Variants in BIRC3 observed in about 807,000 individuals in gnomAD.
BIRC3 encodes the protein baculoviral IAP repeat containing 3.
A neutral mutation model predicts 59.0 loss-of-function variants in BIRC3; 26 were observed. That is an observed-to-expected ratio of 0.44 (90% CI 0.32 to 0.61). The LOEUF is 0.61. BIRC3 is among the 20% of genes least tolerant of loss of function. The pLI is 0.04. For synonymous variants in BIRC3, 243 were observed against 249.2 expected, an observed-to-expected ratio of 0.98 and a Z score of 0.24; for missense variants, 641 against 711.5, an observed-to-expected ratio of 0.90 and a Z score of 1.13.
Position 102,337,327 on chromosome 11 carries a change from C to T in BIRC3, c.*225C>T. On this transcript the variant is annotated 3_prime_UTR_variant, in exon 9 of 9. Coordinates refer to ENST00000263464, the MANE Select transcript of BIRC3 (RefSeq NM_001165.5). ...GTTCTTATGAACGAAAAAGAGGTAG[C>T]ACTACAAACACAATATTCAATCAAA... 1 of 404,670 alleles carries T rather than the reference C, an allele frequency of 2.5e-6. No individual in the cohort carries two copies. The highest frequency in any genetic ancestry group is 4.4e-5 in the Admixed American group (1 of 22,776). 25.1% of individuals were successfully genotyped at this position (404,670 alleles called of 1,614,324 possible). A position where few individuals can be genotyped will look rare whatever the true frequency, so the allele number is the denominator to read the frequency against.
In BIRC3 at chr11:102,324,007, A is replaced by T. The variant is rs142361708; in HGVS notation, c.-503A>T. ...TTTTTCCTGGCCACTAAATTTCACA[A>T]TTTCCAAAAAGCAAAATAAACATAT... is the stretch of plus-strand genomic sequence containing the variant. On this transcript the variant is annotated 5_prime_UTR_variant, in exon 2 of 9. Transcript: ENST00000263464. 5.1e-4 allele frequency: 106 copies of T among 206,748 alleles called. No homozygotes were observed. The highest frequency in any genetic ancestry group is 2.1e-3 in the African/African-American group (92 of 43,960). The allele number at this position is 206,748 out of a possible 1,614,324, so 12.8% of individuals were successfully genotyped here. A position where few individuals can be genotyped will look rare whatever the true frequency, so the allele number is the denominator to read the frequency against.
At chr11:102,330,324 C>T (rs1218729058) in intron 5 of BIRC3, among the ~76,000 whole-genome samples, 2 of 152,128 alleles carry the variant, frequency 1.3e-5, no homozygotes, top group Non-Finnish European at 2.9e-5. Context: ...GGAAGCAGGC[C>T]AGCTGTATGA....
chr11:102,331,337 A>G, intron 6 of BIRC3, 96 bp downstream of exon 6: 3 of 1,253,224 alleles, frequency 2.4e-6, no homozygotes, highest in African/African-American at 1.5e-5. Context: ...CTGAAAATAT[A>G]CTCAATCCAG....
In BIRC3 at chr11:102,324,683, T is replaced by C. The variant is rs377679122; in HGVS notation, c.174T>C (p.Thr58=). Residue 58 remains threonine, a synonymous_variant, in exon 2 of 9, where the codon ACT becomes ACC. Transcript: ENST00000263464. ...TTGCTCGTGCTGGTTTCTATTACAC[T>C]GGTGTGAATGACAAGGTCAAATGCT... ...RSLARAGFYY[T]GVNDKVKCFC... The C allele has an allele frequency of 1.1e-5, 17 of 1,614,070 alleles. No individual in the cohort carries two copies. Among genetic ancestry groups the C allele is most frequent in the Non-Finnish European group, 1.4e-5 (17 of 1,180,036 alleles).
rs1317755652 is a variant in BIRC3 at position 102,322,831 on chromosome 11, G to A, written c.-1679G>A. The stretch of plus-strand genomic sequence containing the variant: ...CACAGTGACTTGCTTATTGGTCATT[G>A]CTAGTATTATCGACTCAGAACCTCT... On this transcript the variant is annotated 5_prime_UTR_variant, in exon 2 of 9. Coordinates refer to ENST00000263464, the MANE Select transcript of BIRC3 (RefSeq NM_001165.5). 5.0e-6 allele frequency: 1 copy of A among 201,714 alleles called. No individual in the cohort carries two copies. The highest frequency in any genetic ancestry group is 6.2e-5 in the Admixed American group (1 of 16,204). 12.5% of individuals were successfully genotyped at this position (201,714 alleles called of 1,614,324 possible). A position where few individuals can be genotyped will look rare whatever the true frequency, so the allele number is the denominator to read the frequency against.
At chr11:102,331,821 A>C (rs1000310889) in intron 6 of BIRC3, among the ~76,000 whole-genome samples, 4 of 152,028 alleles carry the variant, frequency 2.6e-5, no homozygotes, top group Admixed American at 6.6e-5. Flanking sequence ...TTGTATTTTT[A>C]GTAGAGAAGG....
chr11:102,327,081 T>C (rs1297755965), intron 3 of BIRC3, among the ~76,000 whole-genome samples: 2 of 152,166 alleles, frequency 1.3e-5, no homozygotes, highest in Admixed American at 6.5e-5. Context: ...CCTTGTCCAC[T>C]TGAGCCTTGG....
Position 102,336,924 on chromosome 11 carries a change from A to C in BIRC3, c.1637A>C (p.Glu546Ala). Residue 546 changes from glutamate (E) to alanine (A), a missense_variant, in exon 9 of 9, where the codon GAA (glutamate) becomes GCA (alanine). This residue lies in a region of BIRC3 where 41 missense variants were observed against 73.4 expected (regional missense o/e 0.56). Transcript: ENST00000263464. ...TEDVSDLPVE[E>A]QLRRLQEERT... Reference sequence around the variant, plus strand: ...CTCTTTCTAGATCTACCAGTGGAAGAACAATTGCGGAGACTACAAGAAGAA... The same window carrying C: ...CTCTTTCTAGATCTACCAGTGGAAGCACAATTGCGGAGACTACAAGAAGAA... The C allele has an allele frequency of 6.2e-7, 1 of 1,600,946 alleles. No individual in the cohort carries two copies. The highest frequency in any genetic ancestry group is 8.5e-7 in the Non-Finnish European group (1 of 1,177,146).
chr11:102,325,136 T>C lies in BIRC3; in HGVS notation c.627T>C (p.Gly209=). 2.5e-6 allele frequency: 4 copies of C among 1,614,150 alleles called. No homozygotes were observed. The highest frequency in any genetic ancestry group is 1.7e-6 in the Non-Finnish European group (2 of 1,180,016). The change falls in exon 2 of 9, where the codon GGT becomes GGC. Residue 209 remains glycine (G), a synonymous_variant. Coordinates refer to ENST00000263464, the MANE Select transcript of BIRC3 (RefSeq NM_001165.5). The stretch of plus-strand genomic sequence containing the variant: ...ACAGAGTGGCTTGCTTTGCCTGTGG[T>C]GGAAAATTGAGCAATTGGGAACCGA... ...PGDRVACFAC[G]GKLSNWEPKD...
chr11:102,320,108 A>T (rs1258191349), intron 1 of BIRC3: 1 of 152,010 alleles, frequency 6.6e-6, no homozygotes, highest in Non-Finnish European at 1.5e-5. Context: ...ATCTCAAGTT[A>T]TCTGCTTTCC....
intron 7 of BIRC3, chr11:102,336,441 A>T: frequency 1.7e-6 from 1 of 581,316 alleles, no homozygotes; most frequent in Non-Finnish European, 2.9e-6. Context: ...AAAATTTTTA[A>T]AACAAATTAT....
chr11:102,325,614 T>G (rs768741553), intron 3 of BIRC3, 49 bp downstream of exon 3: 3 of 1,546,216 alleles, frequency 1.9e-6, no homozygotes, highest in South Asian at 1.1e-5. Flanking sequence ...TATCATGAGA[T>G]TGCTTATATG....
rs1200564114 is a variant in BIRC3, at chr11:102,322,315, T to A, written c.-2195T>A. The A allele has an allele frequency of 4.8e-6, 1 of 207,692 alleles. No individual in the cohort carries two copies. The highest frequency in any genetic ancestry group is 9.8e-6 in the Non-Finnish European group (1 of 101,766). The allele number at this position is 207,692 out of a possible 1,614,324, so 12.9% of individuals were successfully genotyped here. A position where few individuals can be genotyped will look rare whatever the true frequency, so the allele number is the denominator to read the frequency against. On this transcript the variant is annotated 5_prime_UTR_variant, in exon 2 of 9. Coordinates refer to ENST00000263464, the MANE Select transcript of BIRC3 (RefSeq NM_001165.5). ...GAAAGTTTTGACACATTAAAATACT[T>A]CTACAGTGACAAAGAAAAATCAAGA...
intron 6 of BIRC3, among the ~76,000 whole-genome samples, chr11:102,332,862 G>C (rs1736698209): frequency 6.6e-6 from 1 of 152,132 alleles, no homozygotes; most frequent in African/African-American, 2.4e-5. Flanking sequence ...GTGAAGATTA[G>C]GCAAGCATGT....
chr11:102,326,910 G>T, intron 3 of BIRC3: 1 of 395,186 alleles, frequency 2.5e-6, no homozygotes, highest in Non-Finnish European at 5.1e-6. Flanking sequence ...GTTTCACCAT[G>T]TTGTCCAGGC....
At chr11:102,335,893 A>G (rs913964428) in intron 6 of BIRC3, 73 bp from the exon 7 acceptor site, 6 of 1,409,308 alleles carry the variant, frequency 4.3e-6, no homozygotes, top group Non-Finnish European at 5.8e-6. Context: ...TTATCCTGCT[A>G]TATATATAGG....
At chr11:102,333,018 A>G (rs1951159874) in intron 6 of BIRC3, among the ~76,000 whole-genome samples, 1 of 152,186 alleles carries the variant, frequency 6.6e-6, no homozygotes, top group Non-Finnish European at 1.5e-5. Context: ...TTTCAAAGAC[A>G]ATCAGAAAAG....
At position 102,321,890 on chromosome 11, in the gene BIRC3, T is replaced by C; in HGVS notation, c.-2620T>C. On this transcript the variant is annotated 5_prime_UTR_variant, in exon 2 of 9. Transcript: ENST00000263464. ...TAGATTTTTTTTTCAGTTTCTTCTA[T>C]AAATCAAAACATCTCAAAATGGAGA... The C allele has an allele frequency of 5.4e-6, 1 of 184,410 alleles. No individual in the cohort carries two copies. The highest frequency in any genetic ancestry group is 8.8e-5 in the East Asian group (1 of 11,374). 11.4% of individuals were successfully genotyped at this position (184,410 alleles called of 1,614,324 possible). A position where few individuals can be genotyped will look rare whatever the true frequency, so the allele number is the denominator to read the frequency against.
chr11:102,321,423 C>T (rs114778769), intron 1 of BIRC3, among the ~76,000 whole-genome samples: 2,124 of 152,168 alleles, frequency 0.014, 60 homozygotes, highest in African/African-American at 0.049. Flanking sequence ...GGCACTATTT[C>T]GGCCCACTGC....
Sources: allele counts gnomAD v4.1 joint callset (sites outside exome capture counted in the v4.1 genomes callset), GRCh38; gene constraint gnomAD v4.1.1; regional missense constraint gnomAD v4.1.1; transcripts MANE v1.5; gene names NCBI Gene and HGNC (gene_info 2026-07-23, HGNC 2026-07-21).